ABCB1: variants seen among roughly 807,000 people sequenced by gnomAD.
The protein encoded by ABCB1 is ATP-dependent translocase ABCB1.
Under a neutral mutation model 142.0 loss-of-function variants are expected in ABCB1, and 69 were observed. That is an observed-to-expected ratio of 0.49 (90% CI 0.40 to 0.59). The LOEUF is 0.59. ABCB1 is among the 20% of genes least tolerant of loss of function. The pLI, the probability that ABCB1 is intolerant of heterozygous loss-of-function variation, is 0.00. For synonymous variants in ABCB1, 532 were observed against 539.2 expected (o/e 0.99, Z 0.18); for missense variants, 1,326 against 1,554.7 (o/e 0.85, Z 2.47).
At position 87,626,336 on chromosome 7, in the gene ABCB1, GTATATGTGTCATATATATGTGTCA is replaced by G. The variant is rs1820529152; in HGVS notation, c.-330-25282_-330-25259del. ...CGTATATGTGTCATATATATGTGTC[GTATATGTGTCATATATATGTGTCA>G]TATATATGTGTCATATGTATGTGTC... On this transcript the variant is annotated intron_variant, in intron 1 of 28. Coordinates refer to the ABCB1 transcript ENST00000265724. Among the ~76,000 whole-genome samples, 21 of 12,164 alleles carry G rather than the reference GTATATGTGTCATATATATGTGTCA, an allele frequency of 1.7e-3. 6 individuals carry two copies. The highest frequency in any genetic ancestry group is 2.4e-3 in the Non-Finnish European group (19 of 8,002). 8.0% of individuals were successfully genotyped at this position (12,164 alleles called of 152,430 possible).
At chr7:87,552,544 AT>A (rs1176882173) in intron 9 of ABCB1, among the ~76,000 whole-genome samples, 1 of 152,054 alleles carries the variant, frequency 6.6e-6, no homozygotes, top group Non-Finnish European at 1.5e-5. Context: ...TGTGAAGTAT[AT>A]TCATGCCCAG....
chr7:87,594,537 G>T (rs1169402981), intron 3 of ABCB1, among the ~76,000 whole-genome samples: 1 of 152,136 alleles, frequency 6.6e-6, no homozygotes, highest in Non-Finnish European at 1.5e-5. Context: ...AAAACTGAAA[G>T]TCTCAAAGTG....
intron 19 of ABCB1, among the ~76,000 whole-genome samples, chr7:87,536,808 T>G (rs544270565): frequency 1.3e-5 from 2 of 152,324 alleles, no homozygotes; most frequent in South Asian, 4.1e-4. Flanking sequence ...ACAAAGTAGC[T>G]GCTTTCATGA....
intron 4 of ABCB1, among the ~76,000 whole-genome samples, chr7:87,582,633 G>C (rs1584899924): frequency 1.3e-5 from 2 of 152,326 alleles, no homozygotes; most frequent in East Asian, 3.9e-4. Context: ...AGGCTCTGCA[G>C]ACCATACGGT....
At position 87,612,804 on chromosome 7, in the gene ABCB1, G is replaced by A. The variant is rs533890716; in HGVS notation, c.-330-11726C>T. On this transcript the variant is annotated intron_variant, in intron 1 of 28. Coordinates refer to the ABCB1 transcript ENST00000265724. The stretch of plus-strand genomic sequence containing the variant: ...TTTTTCTAATTCTGTGAAAAGTGAT[G>A]TTGGTATTTTGATAGGAATTGCACT... Among the ~76,000 whole-genome samples, 8 of 152,160 alleles carry A rather than the reference G, an allele frequency of 5.3e-5. No individual in the cohort carries two copies. In the South Asian group the frequency reaches 1.5e-3, roughly 28 times the overall value.
chr7:87,549,548 A>G (rs373467014), intron 13 of ABCB1, 30 bp from the exon 14 acceptor site: 8 of 1,614,042 alleles, frequency 5.0e-6, no homozygotes, highest in East Asian at 4.5e-5. Context: ...ATGATTTAGC[A>G]TAAGGACAAG....
chr7:87,672,828 C>T (rs1825968574), intron 1 of ABCB1, among the ~76,000 whole-genome samples: 1 of 152,170 alleles, frequency 6.6e-6, no homozygotes, highest in East Asian at 1.9e-4. Flanking sequence ...TGCGTTACTC[C>T]TGGGTGGGCT....
intron 1 of ABCB1, among the ~76,000 whole-genome samples, chr7:87,711,884 A>G (rs1305615874): frequency 6.6e-6 from 1 of 152,164 alleles, no homozygotes. Context: ...TATTTCTGAA[A>G]GAAAAGAAAA....
intron 4 of ABCB1, among the ~76,000 whole-genome samples, chr7:87,571,629 A>G (rs1818061337): frequency 6.6e-6 from 1 of 152,220 alleles, no homozygotes; most frequent in South Asian, 2.1e-4. Context: ...CATTTGGAGA[A>G]TGCTAGTGTC....
Position 87,504,219 on chromosome 7 carries a change from T to C in ABCB1, c.*24A>G, listed in dbSNP as rs1227974746. The C allele has an allele frequency of 6.2e-7, 1 of 1,613,706 alleles. No individual in the cohort carries two copies. Among genetic ancestry groups the C allele is most frequent in the Non-Finnish European group, 8.5e-7 (1 of 1,179,758 alleles). ...ATATCTAAACAAATATTAAAAAGTA[T>C]TTAACATCTCATACAGTCAGAGTTC... On this transcript the variant is annotated 3_prime_UTR_variant, in exon 28 of 28. Coordinates refer to ENST00000622132, the MANE Select transcript of ABCB1 (RefSeq NM_001348946.2).
rs189313200 is a variant in ABCB1 at position 87,518,643 on chromosome 7, C to T, written c.2927+683G>A. 1.1e-4 allele frequency among the ~76,000 whole-genome samples: 17 copies of T among 152,258 alleles called. No individual in the cohort carries two copies. In the East Asian group the frequency reaches 3.3e-3, roughly 29 times the overall value. On this transcript the variant is annotated intron_variant, in intron 23 of 27. Transcript: ENST00000622132. ...CTGGTTTAAATATAAAATTATATCG[C>T]TACTAATTATGTTATGCTATCAAGA...
At chr7:87,678,991 C>T (rs918599287) in intron 1 of ABCB1, among the ~76,000 whole-genome samples, 1 of 151,842 alleles carries the variant, frequency 6.6e-6, no homozygotes, top group Non-Finnish European at 1.5e-5. Context: ...GTCAACACTC[C>T]TCTCATAATA....
At chr7:87,568,171 G>A (rs913746686) in intron 5 of ABCB1, among the ~76,000 whole-genome samples, 5 of 150,120 alleles carry the variant, frequency 3.3e-5, no homozygotes, top group South Asian at 2.1e-4. Context: ...CAAGGTGGGC[G>A]GATCATGAAG....
At chr7:87,531,770 C>T (rs562395597) in intron 20 of ABCB1, 10 of 406,764 alleles carry the variant, frequency 2.5e-5, no homozygotes, top group African/African-American at 6.0e-5. Context: ...TCATTAATCA[C>T]GGCAACATTA....
chr7:87,642,407 A>G (rs1299197861), intron 1 of ABCB1, among the ~76,000 whole-genome samples: 1 of 152,150 alleles, frequency 6.6e-6, no homozygotes, highest in Non-Finnish European at 1.5e-5. Flanking sequence ...AAAGTATTCT[A>G]TTTGAATATT....
chr7:87,568,418 A>C (rs1055866198), intron 5 of ABCB1, among the ~76,000 whole-genome samples: 6 of 151,908 alleles, frequency 3.9e-5, no homozygotes, highest in African/African-American at 1.2e-4. Flanking sequence ...CATCTCAAAA[A>C]AAAAAAATGC....
chr7:87,709,182 A>C, intron 1 of ABCB1: 1 of 896,672 alleles, frequency 1.1e-6, no homozygotes, highest in Non-Finnish European at 1.3e-6. Flanking sequence ...TTTTGTATGG[A>C]TTGAAATTAA....
At chr7:87,629,930 A>G (rs1224282469) in intron 1 of ABCB1, among the ~76,000 whole-genome samples, 1 of 152,070 alleles carries the variant, frequency 6.6e-6, no homozygotes, top group Non-Finnish European at 1.5e-5. Context: ...CAAAAAAAAA[A>G]AAAAAGAACT....
rs1000911090 is a variant in ABCB1 at position 87,531,397 on chromosome 7, A to G, written c.2582T>C (p.Leu861Pro). Residue 861 changes from leucine to proline, a missense_variant, in exon 21 of 28, where the codon CTC becomes CCC. Physicochemically the swap from Leu to Pro is moderately conservative, Grantham distance 98. Coordinates refer to ENST00000622132, the MANE Select transcript of ABCB1 (RefSeq NM_001348946.2). ...FIYGWQLTLL[L>P]LAIVPIIAIA... ...TGCAATGATGGGTACAATTGCTAAG[A>G]GTAACAGTGTTAGTTGCCAACCATA... 1 of 1,613,424 alleles carries G rather than the reference A, an allele frequency of 6.2e-7. No homozygotes were observed.
Sources: gnomAD v4.1 joint callset for allele counts (sites outside exome capture counted in the v4.1 genomes callset) on GRCh38, gnomAD v4.1.1 for gene constraint, MANE v1.5 for transcripts, NCBI Gene and HGNC (gene_info 2026-07-23, HGNC 2026-07-21) for gene names.